The following HSDL1 variants were observed in gnomAD, a reference collection of about 807,000 sequenced individuals.
HSDL1 encodes inactive hydroxysteroid dehydrogenase-like protein 1.
HSDL1 carries 29 observed loss-of-function variants against 31.5 expected under a neutral mutation model. That is an observed-to-expected ratio of 0.92 (90% confidence interval 0.69 to 1.26). HSDL1 has a LOEUF of 1.26. Among genes scored for constraint, HSDL1 ranks in the 50% most tolerant of loss-of-function variants. HSDL1 has a pLI of 0.00. For missense variants in HSDL1, 503 were observed against 416.6 expected, an observed-to-expected ratio of 1.21 and a Z score of -1.81; for synonymous variants, 222 against 155.2, an observed-to-expected ratio of 1.43 and a Z score of -3.20.
At chr16:84,136,104 T>C (rs1416254148) in intron 1 of HSDL1, among the ~76,000 whole-genome samples, 2 of 152,138 alleles carry the variant, frequency 1.3e-5, no homozygotes, top group Non-Finnish European at 2.9e-5. Flanking sequence ...ACATCCACAT[T>C]GCCACGGGCT....
At chr16:84,136,883 C>T (rs1213726111) in intron 1 of HSDL1, among the ~76,000 whole-genome samples, 1 of 152,190 alleles carries the variant, frequency 6.6e-6, no homozygotes, top group African/African-American at 2.4e-5. Flanking sequence ...TCCTTAGAGG[C>T]AGCTCAAGAC....
At chr16:84,127,035 T>C (rs1002964243) in intron 5 of HSDL1, among the ~76,000 whole-genome samples, 2 of 152,156 alleles carry the variant, frequency 1.3e-5, no homozygotes, top group African/African-American at 4.8e-5. Flanking sequence ...GAGTAAACTG[T>C]TCGTGTTTTA....
Position 84,130,409 on chromosome 16 carries a change from T to G in HSDL1, c.243A>C (p.Lys81Asn), listed in dbSNP as rs2086652168. Residue 81 changes from lysine (K) to asparagine (N), a missense_variant, in exon 4 of 6, where the codon AAA (lysine) becomes AAC (asparagine). Coordinates refer to ENST00000219439, the MANE Select transcript of HSDL1 (RefSeq NM_031463.5). ...VVSGATDGIG[K>N]AYAEELASRG... is the part of the protein sequence containing the mutation. ...GGCTTGCTAACTCTTCAGCGTAGGCTTTTCCAATCCCATCTGTTGCACCTA... is the reference window on the plus strand; with the variant it reads ...GGCTTGCTAACTCTTCAGCGTAGGCGTTTCCAATCCCATCTGTTGCACCTA... 1 of 1,610,618 alleles carries G rather than the reference T, an allele frequency of 6.2e-7. No individual in the cohort carries two copies. Among genetic ancestry groups the G allele is most frequent in the African/African-American group, 1.3e-5 (1 of 74,818 alleles).
chr16:84,145,128 C>T lies in HSDL1; in HGVS notation c.-117G>A. Reference sequence around the variant, plus strand: ...AACCGGTCCCGCCAGACCCGCGCGGCCGCCGCCCCCGTCTCGGCCGCCGGA... The same window carrying T: ...AACCGGTCCCGCCAGACCCGCGCGGTCGCCGCCCCCGTCTCGGCCGCCGGA... On this transcript the variant is annotated 5_prime_UTR_variant, in exon 1 of 6. Coordinates refer to ENST00000219439, the MANE Select transcript of HSDL1 (RefSeq NM_031463.5). 1 of 187,398 alleles carries T rather than the reference C, an allele frequency of 5.3e-6. No homozygotes were observed. 11.6% of individuals were successfully genotyped at this position (187,398 alleles called of 1,614,324 possible). A position where few individuals can be genotyped will look rare whatever the true frequency, so the allele number is the denominator to read the frequency against.
In HSDL1 at chr16:84,130,327, T is replaced by C; in HGVS notation, c.325A>G (p.Lys109Glu). 1 of 1,614,234 alleles carries C rather than the reference T, an allele frequency of 6.2e-7. No homozygotes were observed. Among genetic ancestry groups the C allele is most frequent in the Non-Finnish European group, 8.5e-7 (1 of 1,180,048 alleles). Residue 109 changes from lysine (K) to glutamate (E), a missense_variant, in exon 4 of 6, where the codon AAA (lysine) becomes GAA (glutamate). By Grantham distance (56) the Lys-to-Glu change is moderately conservative. Coordinates refer to ENST00000219439, the MANE Select transcript of HSDL1 (RefSeq NM_031463.5). ...ACTTTGTACGTGTCGGCTATGTCTT[T>C]AGCAACAACCTGCAACTTCTCCTCG... ...RNEEKLQVVAKDIADTYKVET... is the reference protein window; with the variant it reads ...RNEEKLQVVAEDIADTYKVET...
At chr16:84,141,911 G>A (rs1036533565) in intron 1 of HSDL1, among the ~76,000 whole-genome samples, 3 of 151,918 alleles carry the variant, frequency 2.0e-5, no homozygotes, top group African/African-American at 7.3e-5. Context: ...TCATTATAGT[G>A]TCTTTCATGA....
At chr16:84,144,307 G>T (rs1315117677) in intron 1 of HSDL1, 1 of 152,302 alleles carries the variant, frequency 6.6e-6, no homozygotes, top group Admixed American at 6.6e-5. Flanking sequence ...TTCAGATGGA[G>T]GTATAGCAAG....
At chr16:84,127,174 A>T (rs947088646) in intron 5 of HSDL1, among the ~76,000 whole-genome samples, 1 of 147,020 alleles carries the variant, frequency 6.8e-6, no homozygotes, top group Non-Finnish European at 1.5e-5. Flanking sequence ...TAATTAAAGG[A>T]CCTGGAAACA....
Position 84,131,302 on chromosome 16 carries a change from A to G in HSDL1, c.20T>C (p.Phe7Ser), listed in dbSNP as rs781483111. The stretch of plus-strand genomic sequence containing the variant: ...GGCGATTTCCCTGTACAAGAGGTAG[A>G]AACTGTCAACAGCAGCCATGGCAAC... MAAVDS[F>S]YLLYREIARS... is the part of the protein sequence containing the mutation. The change falls in exon 3 of 6, where the codon TTC (phenylalanine) becomes TCC (serine). Residue 7 changes from phenylalanine (F) to serine (S), a missense_variant. Transcript: ENST00000219439. 1.4e-5 allele frequency: 23 copies of G among 1,613,956 alleles called. No individual in the cohort carries two copies. Among genetic ancestry groups the G allele is most frequent in the Non-Finnish European group, 1.9e-5 (22 of 1,179,976 alleles).
chr16:84,129,909 C>T, intron 4 of HSDL1, 77 bp downstream of exon 4: 1 of 1,501,164 alleles, frequency 6.7e-7, no homozygotes, highest in South Asian at 1.2e-5. Flanking sequence ...ACAAAGAGTT[C>T]AACAAATCAG....
rs1211400105 is a variant in HSDL1, at chr16:84,124,664, G to A, written c.959C>T (p.Ser320Leu). ...GCAGGATAAGGCTTCCTTACGTAGT[G>A]AACGGTTGAGAATATTTGCTCCCCA... ...WVWGANILNR[S>L]LRKEALSCTA is the part of the protein sequence containing the mutation. The change falls in exon 6 of 6, where the codon TCA becomes TTA. Residue 320 changes from serine to leucine, a missense_variant. Physicochemically the swap from Ser to Leu is moderately radical, Grantham distance 145. Transcript: ENST00000219439. The A allele has an allele frequency of 8.1e-6, 13 of 1,613,654 alleles. No homozygotes were observed. Among genetic ancestry groups the A allele is most frequent in the Non-Finnish European group, 1.0e-5 (12 of 1,179,722 alleles).
chr16:84,129,781 G>C lies in HSDL1; in HGVS notation c.667-6C>G. 1.3e-6 allele frequency: 2 copies of C among 1,596,932 alleles called. No homozygotes were observed. Among genetic ancestry groups the C allele is most frequent in the Non-Finnish European group, 1.7e-6 (2 of 1,166,648 alleles). On this transcript the variant is annotated splice_region_variant and splice_polypyrimidine_tract_variant and intron_variant, in intron 4 of 5. Transcript: ENST00000219439. ...CTGAAGTGGTCTAAATAAGCCTGTTGAGACAGAGGGGAGGAAAAGACTTTT... is the reference window on the plus strand; with the variant it reads ...CTGAAGTGGTCTAAATAAGCCTGTTCAGACAGAGGGGAGGAAAAGACTTTT...
intron 2 of HSDL1, among the ~76,000 whole-genome samples, chr16:84,135,268 A>C (rs375039911): frequency 7.9e-5 from 12 of 152,214 alleles, no homozygotes; most frequent in African/African-American, 2.9e-4. Context: ...AAGAAAGAAA[A>C]AACAGATACT....
chr16:84,144,801 G>A (rs2086826051), intron 1 of HSDL1, among the ~76,000 whole-genome samples: 2 of 150,156 alleles, frequency 1.3e-5, no homozygotes, highest in South Asian at 2.1e-4. Flanking sequence ...CGTGAGGATG[G>A]AGCCGGGGGA....
rs761015807 is a variant in HSDL1, at chr16:84,131,111, C to T, written c.211G>A (p.Val71Ile). ...TTATAAAGTAGGTTACCGCTGACAA[C>T]GGCCCATCTTCCATACTGCTTGATC... is the stretch of plus-strand genomic sequence containing the variant. The part of the protein sequence containing the change: ...DLIKQYGRWA[V>I]VSGATDGIGK... The change falls in exon 3 of 6, where the codon GTT becomes ATT. Residue 71 changes from valine (V) to isoleucine (I), a missense_variant. Coordinates refer to ENST00000219439, the MANE Select transcript of HSDL1 (RefSeq NM_031463.5). 16 of 1,606,708 alleles carry T rather than the reference C, an allele frequency of 1.0e-5. No homozygotes were observed. Among genetic ancestry groups the T allele is most frequent in the Non-Finnish European group, 1.3e-5 (15 of 1,174,032 alleles).
In HSDL1 at chr16:84,122,886, T is replaced by C. The variant is rs1332977918; in HGVS notation, c.*1744A>G. On this transcript the variant is annotated 3_prime_UTR_variant, in exon 6 of 6. Transcript: ENST00000219439. ...TCATCACTGACAAGGTGTGTTCACC[T>C]ATTCTCATCACGTAACACTGATGGA... 1.3e-5 allele frequency: 2 copies of C among 152,266 alleles called. No individual in the cohort carries two copies. Among genetic ancestry groups the C allele is most frequent in the Admixed American group, 1.3e-4 (2 of 15,284 alleles). The allele number at this position is 152,266 out of a possible 1,614,324, so 9.4% of individuals were successfully genotyped here.
intron 2 of HSDL1, 92 bp from the exon 3 acceptor site, chr16:84,131,419 A>G: frequency 1.2e-6 from 1 of 851,844 alleles, no homozygotes; most frequent in Non-Finnish European, 2.0e-6. Context: ...TGAGGGCATC[A>G]GATCTTGTCA....
intron 2 of HSDL1, among the ~76,000 whole-genome samples, chr16:84,131,980 G>C (rs1238939311): frequency 6.6e-6 from 1 of 152,164 alleles, no homozygotes; most frequent in Non-Finnish European, 1.5e-5. Flanking sequence ...CATGCCTGGA[G>C]ATTCAGCCAA....
At chr16:84,127,648 T>C (rs2086622274) in intron 5 of HSDL1, among the ~76,000 whole-genome samples, 1 of 148,610 alleles carries the variant, frequency 6.7e-6, no homozygotes, top group East Asian at 2.0e-4. Flanking sequence ...ATCTGTTTGA[T>C]AATTAAGAAA....
Sources: gnomAD v4.1 joint callset for allele counts (sites outside exome capture counted in the v4.1 genomes callset) on GRCh38, gnomAD v4.1.1 for gene constraint, MANE v1.5 for transcripts, NCBI Gene and HGNC (gene_info 2026-07-23, HGNC 2026-07-21) for gene names.